SECISBP2L: variants seen among roughly 807,000 people sequenced by gnomAD.
SECISBP2L encodes SECIS binding protein 2 like.
In SECISBP2L, 43 loss-of-function variants were observed where a neutral mutation model predicts 114.7. The ratio of observed to expected loss-of-function variants is 0.38; its 90% confidence interval spans 0.29 to 0.48. The LOEUF is 0.48. SECISBP2L is among the 20% of genes least tolerant of loss of function. The pLI, the probability that SECISBP2L is intolerant of heterozygous loss-of-function variation, is 0.98. For missense variants in SECISBP2L, 1,136 were observed against 1,301.1 expected, an observed-to-expected ratio of 0.87 and a Z score of 1.95; for synonymous variants, 451 against 439.7, an observed-to-expected ratio of 1.03 and a Z score of -0.32.
intron 8 of SECISBP2L, among the ~76,000 whole-genome samples, chr15:49,019,026 A>C (rs1269774120): frequency 1.3e-5 from 2 of 152,174 alleles, no homozygotes; most frequent in African/African-American, 4.8e-5. Flanking sequence ...CTTCTCTAAA[A>C]TTCTCCTGGC....
chr15:49,040,250 G>A (rs1222322341), intron 1 of SECISBP2L, among the ~76,000 whole-genome samples: 1 of 152,112 alleles, frequency 6.6e-6, no homozygotes, highest in Non-Finnish European at 1.5e-5. Flanking sequence ...TGCAATTCTA[G>A]TTATCAGAGT....
chr15:48,996,311 A>G (rs1288012962), intron 17 of SECISBP2L, 56 bp downstream of exon 17: 1 of 1,449,918 alleles, frequency 6.9e-7, no homozygotes, highest in Admixed American at 2.0e-5. Flanking sequence ...TAGAATAGAA[A>G]GTCATTTAAA....
At chr15:49,010,154 C>CACACACACACACACA (rs3220511) in intron 13 of SECISBP2L, among the ~76,000 whole-genome samples, 10 of 150,070 alleles carry the variant, frequency 6.7e-5, no homozygotes, top group South Asian at 2.1e-4. Flanking sequence ...CACACACACA[C>CACACACACACACACA]CCCTCTTGCC....
At position 48,993,100 on chromosome 15, in the gene SECISBP2L, AGTGT is replaced by A. The variant is rs71120653; in HGVS notation, c.2624-178_2624-175del. ...TAGTACTAGTTTGAGACAGAGAGAG[AGTGT>A]GTGTGTGTGTGTGTGTGTGTGTGTG... On this transcript the variant is annotated intron_variant, in intron 17 of 17. Coordinates refer to ENST00000559471, the MANE Select transcript of SECISBP2L (RefSeq NM_001193489.2). 7.9e-3 allele frequency among the ~76,000 whole-genome samples: 1,101 copies of A among 139,170 alleles called. 8 individuals carry two copies. The highest frequency in any genetic ancestry group is 0.012 in the East Asian group (55 of 4,762). The allele number at this position is 139,170 out of a possible 152,430, so 91.3% of individuals were successfully genotyped here. A position where few individuals can be genotyped will look rare whatever the true frequency, so the allele number is the denominator to read the frequency against.
At chr15:49,025,023 T>C (rs1192666815) in intron 7 of SECISBP2L, among the ~76,000 whole-genome samples, 4 of 152,198 alleles carry the variant, frequency 2.6e-5, no homozygotes, top group African/African-American at 9.7e-5. Flanking sequence ...AAACCAATAG[T>C]ACTGAAACTG....
chr15:48,993,100 A>AGTGTGTGTGTGTGTGT (rs71120653), intron 17 of SECISBP2L, among the ~76,000 whole-genome samples, 174 bp from the exon 18 acceptor site: 30 of 139,216 alleles, frequency 2.2e-4, no homozygotes, highest in African/African-American at 7.9e-4. Flanking sequence ...ACAGAGAGAG[A>AGTGTGTGTGTGTGTGT]GTGTGTGTGT....
intron 1 of SECISBP2L, among the ~76,000 whole-genome samples, chr15:49,038,360 C>A: frequency 6.7e-6 from 1 of 149,664 alleles, no homozygotes. Context: ...TAAAGTAATC[C>A]AAGATATGTA....
chr15:49,028,108 A>G (rs564232750), intron 6 of SECISBP2L, 36 bp downstream of exon 6: 111 of 1,554,398 alleles, frequency 7.1e-5, no homozygotes, highest in Middle Eastern at 1.7e-4. Context: ...GACAAAGTAG[A>G]AAGTATAGCA....
At chr15:49,020,761 G>C (rs1051772407) in intron 7 of SECISBP2L, among the ~76,000 whole-genome samples, 1 of 151,952 alleles carries the variant, frequency 6.6e-6, no homozygotes, top group Non-Finnish European at 1.5e-5. Flanking sequence ...CTCCTGCCTC[G>C]CCTCCCAAAG....
At chr15:49,034,294 A>G (rs1433019749) in intron 3 of SECISBP2L, among the ~76,000 whole-genome samples, 2 of 152,232 alleles carry the variant, frequency 1.3e-5, no homozygotes, top group African/African-American at 2.4e-5. Flanking sequence ...AGTGCCAACT[A>G]GAAACACATT....
chr15:49,010,154 C>CACACACACA (rs3220511), intron 13 of SECISBP2L, among the ~76,000 whole-genome samples: 9 of 150,082 alleles, frequency 6.0e-5, no homozygotes, highest in Middle Eastern at 3.4e-3. Context: ...CACACACACA[C>CACACACACA]CCCTCTTGCC....
chr15:49,027,993 G>C, intron 6 of SECISBP2L, 151 bp downstream of exon 6: 1 of 720,366 alleles, frequency 1.4e-6, no homozygotes, highest in East Asian at 2.7e-5. Flanking sequence ...TTCTCAAGCT[G>C]ATCAGCAAAA....
chr15:49,015,393 T>A (rs1462618391), intron 11 of SECISBP2L, among the ~76,000 whole-genome samples: 1 of 151,802 alleles, frequency 6.6e-6, no homozygotes, highest in Admixed American at 6.6e-5. Flanking sequence ...ACTATTGTAA[T>A]AACAGAGGTT....
intron 14 of SECISBP2L, among the ~76,000 whole-genome samples, chr15:49,006,807 A>G (rs1332238096): frequency 6.6e-6 from 1 of 151,646 alleles, no homozygotes; most frequent in African/African-American, 2.4e-5. Context: ...AATTTGTCAA[A>G]CTCATTCTCC....
intron 12 of SECISBP2L, 111 bp from the exon 13 acceptor site, chr15:49,011,974 A>C: frequency 7.8e-7 from 1 of 1,274,662 alleles, no homozygotes; most frequent in Non-Finnish European, 1.1e-6. Context: ...CATGAACATG[A>C]GAAGTTTGGC....
Position 48,992,888 on chromosome 15 carries a change from G to A in SECISBP2L, c.2662C>T (p.Leu888=). The A allele has an allele frequency of 6.2e-7, 1 of 1,613,998 alleles. No individual in the cohort carries two copies. Among genetic ancestry groups the A allele is most frequent in the South Asian group, 1.1e-5 (1 of 91,076 alleles). The change falls in exon 18 of 18, where the codon CTG becomes TTG. Residue 888 remains leucine, a synonymous_variant. Coordinates refer to ENST00000559471, the MANE Select transcript of SECISBP2L (RefSeq NM_001193489.2). ...WRNMVETSDG[L]EASENEKEVS... ...TCTTTCTCATTTTCTGATGCTTCCA[G>A]TCCATCTGAAGTTTCCACCATGTTT...
chr15:49,000,067 A>G (rs1902170995), intron 15 of SECISBP2L, 80 bp from the exon 16 acceptor site: 1 of 1,460,920 alleles, frequency 6.8e-7, no homozygotes, highest in Admixed American at 1.9e-5. Flanking sequence ...TAAAGCATAA[A>G]ACATCGCAGC....
At chr15:49,040,620 C>G (rs1268409565) in intron 1 of SECISBP2L, among the ~76,000 whole-genome samples, 2 of 141,706 alleles carry the variant, frequency 1.4e-5, no homozygotes, top group Non-Finnish European at 3.0e-5. Context: ...ACTGCAAGCT[C>G]CGCCTCCAGG....
intron 6 of SECISBP2L, 63 bp downstream of exon 6, chr15:49,028,081 A>T: frequency 7.6e-6 from 11 of 1,443,704 alleles, no homozygotes; most frequent in Non-Finnish European, 8.5e-6. Flanking sequence ...CATGCTTAAA[A>T]GGAAAACTCT....
Sources: gnomAD v4.1 joint callset for allele counts (sites outside exome capture counted in the v4.1 genomes callset) on GRCh38, gnomAD v4.1.1 for gene constraint, MANE v1.5 for transcripts, NCBI Gene and HGNC (gene_info 2026-07-23, HGNC 2026-07-21) for gene names.